The following OGDHL variants were observed in gnomAD, a reference collection of about 807,000 sequenced individuals.
OGDHL encodes the protein oxoglutarate dehydrogenase L, also known as 2-oxoglutarate dehydrogenase-like, mitochondrial.
In OGDHL, 79 loss-of-function variants were observed where a neutral mutation model predicts 109.6. The ratio of observed to expected loss-of-function variants is 0.72; its 90% confidence interval spans 0.60 to 0.87. The LOEUF is 0.87. OGDHL is among the 40% of genes least tolerant of loss of function. OGDHL has a pLI of 0.00. For missense variants in OGDHL, 1,275 were observed against 1,362.2 expected (o/e 0.94, Z 1.01); for synonymous variants, 528 against 537.2 (o/e 0.98, Z 0.24).
At chr10:49,746,704 A>G in intron 10 of OGDHL, 46 bp downstream of exon 10, 1 of 1,604,016 alleles carries the variant, frequency 6.2e-7, no homozygotes, top group Non-Finnish European at 8.5e-7. Flanking sequence ...CTGGATTTCC[A>G]GGGATGCTGA....
chr10:49,742,981 G>GTTT lies in OGDHL; in HGVS notation c.1862-4_1862-3insAAA. The stretch of plus-strand genomic sequence containing the variant: ...GCCCCGCAGAATGCGAGAGAGGCCT[G>GTTT]TGGGAAAGGAGTGCTGGCCTGAGGG... On this transcript the variant is annotated splice_polypyrimidine_tract_variant and splice_region_variant and intron_variant, in intron 14 of 22. Coordinates refer to ENST00000374103, the MANE Select transcript of OGDHL (RefSeq NM_018245.3). 6.2e-7 allele frequency: 1 copy of GTTT among 1,612,244 alleles called. No individual in the cohort carries two copies. The highest frequency in any genetic ancestry group is 8.5e-7 in the Non-Finnish European group (1 of 1,179,858).
chr10:49,738,080 G>C lies in OGDHL; in HGVS notation c.2392-8C>G. The C allele has an allele frequency of 6.2e-7, 1 of 1,614,164 alleles. No homozygotes were observed. The highest frequency in any genetic ancestry group is 8.5e-7 in the Non-Finnish European group (1 of 1,180,016). On this transcript the variant is annotated splice_polypyrimidine_tract_variant and splice_region_variant and intron_variant, in intron 18 of 22. Transcript: ENST00000374103. ...GAAGTCCTTGGTGAATGCCTGTGGG[G>C]ACGAGATGCATATGGCCAGGGTGGC...
intron 15 of OGDHL, among the ~76,000 whole-genome samples, chr10:49,741,084 C>T (rs966389446): frequency 2.0e-5 from 3 of 152,150 alleles, no homozygotes; most frequent in Admixed American, 6.5e-5. Context: ...CCACACACCA[C>T]GCACTGGGGG....
chr10:49,748,449 G>A (rs552357211), intron 8 of OGDHL, among the ~76,000 whole-genome samples: 1 of 152,282 alleles, frequency 6.6e-6, no homozygotes, highest in Non-Finnish European at 1.5e-5. Context: ...CAAGAATGGA[G>A]TCTCACTGAG....
intron 3 of OGDHL, 152 bp from the exon 4 acceptor site, chr10:49,752,892 G>A (rs1038921397): frequency 6.5e-6 from 4 of 612,170 alleles, no homozygotes; most frequent in African/African-American, 1.9e-5. Flanking sequence ...TGCTGCCTGC[G>A]AGACCCCAGC....
At chr10:49,744,577 A>G (rs1460752755) in intron 13 of OGDHL, 73 bp downstream of exon 13, 8 of 1,211,886 alleles carry the variant, frequency 6.6e-6, no homozygotes, top group Non-Finnish European at 9.7e-6. Context: ...ACCCAGGGCC[A>G]TTCCAGTCCT....
rs774249597 is a variant in OGDHL, at chr10:49,751,921, G to A, written c.655C>T (p.Gln219Ter). ...GTCTCAAACTTCTGCCGGATCCACTGGCACTGCTCCACATCGTTGATGAAC... is the reference window on the plus strand; with the variant it reads ...GTCTCAAACTTCTGCCGGATCCACTAGCACTGCTCCACATCGTTGATGAAC... Reference protein sequence around the residue: ...FMFINDVEQCQWIRQKFETPG... With the variant: ...FMFINDVEQC The change falls in exon 6 of 23, where the codon CAG (glutamine) becomes TAG (stop). Residue 219 changes from glutamine to a stop codon, truncating the protein, a stop_gained. Transcript: ENST00000374103. LOFTEE classifies it high-confidence loss of function. 18 of 1,614,210 alleles carry A rather than the reference G, an allele frequency of 1.1e-5. No individual in the cohort carries two copies. Among genetic ancestry groups the A allele is most frequent in the Non-Finnish European group, 1.5e-5 (18 of 1,180,040 alleles).
chr10:49,756,567 A>G, intron 3 of OGDHL: 1 of 490,986 alleles, frequency 2.0e-6, no homozygotes, highest in South Asian at 4.3e-5. Context: ...ACAAGTCAGT[A>G]TGCACAAAAA....
At chr10:49,743,000 C>G (rs557706959) in intron 14 of OGDHL, 22 bp from the exon 15 acceptor site, 18 of 1,609,446 alleles carry the variant, frequency 1.1e-5, no homozygotes, top group Non-Finnish European at 1.3e-5. Context: ...GAGTGCTGGC[C>G]TGAGGGCCAA....
Position 49,735,124 on chromosome 10 carries a change from C to A in OGDHL, c.*104G>T. On this transcript the variant is annotated 3_prime_UTR_variant, in exon 23 of 23. Transcript: ENST00000374103. Reference sequence around the variant, plus strand: ...TCACTGTGTCTGTTTTATCCTGGGGCCCCACAGCCCCTCTCCTGGGCAGGA... The same window carrying A: ...TCACTGTGTCTGTTTTATCCTGGGGACCCACAGCCCCTCTCCTGGGCAGGA... 1 of 1,490,948 alleles carries A rather than the reference C, an allele frequency of 6.7e-7. No individual in the cohort carries two copies. Among genetic ancestry groups the A allele is most frequent in the Non-Finnish European group, 9.0e-7 (1 of 1,110,580 alleles). 92.4% of individuals were successfully genotyped at this position (1,490,948 alleles called of 1,614,324 possible). A position where few individuals can be genotyped will look rare whatever the true frequency, so the allele number is the denominator to read the frequency against.
chr10:49,735,868 G>A (rs1841120027), intron 22 of OGDHL, among the ~76,000 whole-genome samples, 155 bp downstream of exon 22: 1 of 152,208 alleles, frequency 6.6e-6, no homozygotes, highest in Non-Finnish European at 1.5e-5. Flanking sequence ...TCTGGCTGCA[G>A]AACAAACACA....
intron 7 of OGDHL, among the ~76,000 whole-genome samples, chr10:49,750,137 G>A (rs1842485711): frequency 6.6e-6 from 1 of 152,120 alleles, no homozygotes; most frequent in Non-Finnish European, 1.5e-5. Flanking sequence ...CCTGCACCAT[G>A]CATTTGGATG....
intron 17 of OGDHL, chr10:49,738,516 T>A: frequency 1.9e-6 from 1 of 536,264 alleles, no homozygotes. Flanking sequence ...AAGCCCGCAC[T>A]GAGACGTGCT....
At position 49,758,382 on chromosome 10, in the gene OGDHL, T is replaced by G. The variant is rs1300730086; in HGVS notation, c.204+7A>C. 1 of 1,603,736 alleles carries G rather than the reference T, an allele frequency of 6.2e-7. No individual in the cohort carries two copies. The highest frequency in any genetic ancestry group is 8.5e-7 in the Non-Finnish European group (1 of 1,173,426). On this transcript the variant is annotated splice_region_variant and intron_variant, in intron 2 of 22. Transcript: ENST00000374103. ...GCGGTGGCCCAGGGTAGGGTGGGGA[T>G]GCTGACCTTGTGGACACTCTGGGGG...
At position 49,735,212 on chromosome 10, in the gene OGDHL, C is replaced by T; in HGVS notation, c.*16G>A. 1 of 1,608,806 alleles carries T rather than the reference C, an allele frequency of 6.2e-7. No individual in the cohort carries two copies. Among genetic ancestry groups the T allele is most frequent in the South Asian group, 1.1e-5 (1 of 89,688 alleles). ...CAGCAAACCCACAGCGAGACCTACA[C>T]AGGTTTTGCCCAGCTCTAAAATGTC... On this transcript the variant is annotated 3_prime_UTR_variant, in exon 23 of 23. Transcript: ENST00000374103.
rs1029829443 is a variant in OGDHL at position 49,751,894 on chromosome 10, G to C, written c.682C>G (p.Pro228Ala). 7 of 1,614,146 alleles carry C rather than the reference G, an allele frequency of 4.3e-6. No homozygotes were observed. Among genetic ancestry groups the C allele is most frequent in the Non-Finnish European group, 5.9e-6 (7 of 1,180,028 alleles). ...TCGCTGGAGAACTGCATCACACCAG[G>C]GGTCTCAAACTTCTGCCGGATCCAC... ...CQWIRQKFET[P>A]GVMQFSSEEK... is the part of the protein sequence containing the mutation. The change falls in exon 6 of 23, where the codon CCT becomes GCT. Residue 228 changes from proline (P) to alanine (A), a missense_variant. Transcript: ENST00000374103.
chr10:49,750,997 G>T lies in OGDHL; in HGVS notation c.750-12C>A. ...GGAAGTCTTCAAACCTGCTTGGGGA[G>T]AGGATGGGAAGAGGAAAGGGAAAGG... On this transcript the variant is annotated splice_polypyrimidine_tract_variant and intron_variant, in intron 6 of 22. Transcript: ENST00000374103. 6.3e-7 allele frequency: 1 copy of T among 1,588,540 alleles called. No homozygotes were observed.
rs78516227 is a variant in OGDHL at position 49,754,370 on chromosome 10, T to A, written c.376-1630A>T. 8.9e-4 allele frequency among the ~76,000 whole-genome samples: 135 copies of A among 152,286 alleles called. 3 individuals carry two copies. The East Asian group carries it at 0.024, about 28-fold the overall frequency. ...TCATATGAATCCAAAAAAAAGAAGA[T>A]AAACTTTCATTAGTCACTTTTGGAG... On this transcript the variant is annotated intron_variant, in intron 3 of 22. Coordinates refer to ENST00000374103, the MANE Select transcript of OGDHL (RefSeq NM_018245.3).
chr10:49,751,005 G>C lies in OGDHL; in HGVS notation c.750-20C>G. 1 of 1,577,138 alleles carries C rather than the reference G, an allele frequency of 6.3e-7. No homozygotes were observed. On this transcript the variant is annotated intron_variant, in intron 6 of 22. Transcript: ENST00000374103. The stretch of plus-strand genomic sequence containing the variant: ...TCAAACCTGCTTGGGGAGAGGATGG[G>C]AAGAGGAAAGGGAAAGGGATGGAGA...
Sources: gnomAD v4.1 joint callset for allele counts (sites outside exome capture counted in the v4.1 genomes callset) on GRCh38, gnomAD v4.1.1 for gene constraint, MANE v1.5 for transcripts, NCBI Gene and HGNC (gene_info 2026-07-23, HGNC 2026-07-21) for gene names.